Variants in NRG3 observed in about 807,000 individuals in gnomAD.
The protein encoded by NRG3 is pro-neuregulin-3, membrane-bound isoform.
NRG3 carries 31 observed loss-of-function variants against 66.9 expected under a neutral mutation model. That is an observed-to-expected ratio of 0.46 (90% CI 0.35 to 0.63). The LOEUF (loss-of-function observed/expected upper bound fraction) is 0.63. Ranked by LOEUF, NRG3 falls within the 20% of genes least tolerant of loss-of-function variation. The pLI is 0.00. For synonymous variants in NRG3, 393 were observed against 359.4 expected (o/e 1.09, Z -1.06); for missense variants, 910 against 878.9 (o/e 1.04, Z -0.45).
At chr10:82,854,574 C>G (rs2063716456) in intron 3 of NRG3, among the ~76,000 whole-genome samples, 1 of 152,050 alleles carries the variant, frequency 6.6e-6, no homozygotes, top group Non-Finnish European at 1.5e-5. Flanking sequence ...TTGTGTAAAA[C>G]AAAATATAGT....
intron 3 of NRG3, among the ~76,000 whole-genome samples, chr10:82,806,550 C>T (rs2061292113): frequency 6.6e-6 from 1 of 152,184 alleles, no homozygotes; most frequent in Non-Finnish European, 1.5e-5. Context: ...AAAGACCCAA[C>T]CTGATGATTA....
chr10:82,517,661 G>GTGTGCA (rs1845804012), intron 2 of NRG3, among the ~76,000 whole-genome samples: 1 of 127,710 alleles, frequency 7.8e-6, no homozygotes, highest in African/African-American at 3.7e-5. Context: ...GTGTGTGTGT[G>GTGTGCA]TGTGTGTGCA....
At chr10:82,683,754 T>G (rs1380913404) in intron 2 of NRG3, among the ~76,000 whole-genome samples, 2 of 152,242 alleles carry the variant, frequency 1.3e-5, no homozygotes, top group Admixed American at 1.3e-4. Context: ...TAGTAATACT[T>G]GTATTTTTGT....
At chr10:82,636,474 A>G (rs181564394) in intron 2 of NRG3, among the ~76,000 whole-genome samples, 1 of 152,308 alleles carries the variant, frequency 6.6e-6, no homozygotes, top group Admixed American at 6.5e-5. Context: ...GAGTTCTCAA[A>G]AAGAATGATG....
At chr10:82,445,091 G>A (rs552316722) in intron 2 of NRG3, among the ~76,000 whole-genome samples, 1 of 151,466 alleles carries the variant, frequency 6.6e-6, no homozygotes, top group Non-Finnish European at 1.5e-5. Flanking sequence ...AAGGTCTAAG[G>A]TTCTTCTTTT....
chr10:82,927,644 T>G (rs1847141240), intron 4 of NRG3, among the ~76,000 whole-genome samples: 1 of 152,204 alleles, frequency 6.6e-6, no homozygotes. Context: ...GTTTCCAGCT[T>G]CATCCATGTC....
intron 1 of NRG3, among the ~76,000 whole-genome samples, chr10:82,125,922 A>G (rs1449559029): frequency 6.6e-6 from 1 of 152,128 alleles, no homozygotes; most frequent in Non-Finnish European, 1.5e-5. Context: ...TTAGCAATTA[A>G]TCTATTAGAT....
At chr10:82,782,728 C>A (rs2060169714) in intron 3 of NRG3, among the ~76,000 whole-genome samples, 1 of 151,978 alleles carries the variant, frequency 6.6e-6, no homozygotes, top group South Asian at 2.1e-4. Context: ...AGCTTACCAA[C>A]CAAAAAGAGT....
intron 1 of NRG3, among the ~76,000 whole-genome samples, chr10:81,986,208 C>T (rs112895826): frequency 2.6e-5 from 4 of 152,142 alleles, no homozygotes; most frequent in African/African-American, 9.6e-5. Context: ...TTTCAGGCTG[C>T]AAAATTAGGC....
In NRG3 at chr10:81,981,688, C is replaced by T. The variant is rs555382905; in HGVS notation, c.823+105525C>T. ...GGGCCCATGGTGAGAGTGGCAGTCCCGCCAATCTCTGAATAGCTTCTGGGG... is the reference window on the plus strand; with the variant it reads ...GGGCCCATGGTGAGAGTGGCAGTCCTGCCAATCTCTGAATAGCTTCTGGGG... On this transcript the variant is annotated intron_variant, in intron 1 of 8. Transcript: ENST00000372141. 1.6e-4 allele frequency among the ~76,000 whole-genome samples: 24 copies of T among 152,282 alleles called. No homozygotes were observed. The South Asian group carries it at 4.4e-3, about 28-fold the overall frequency.
intron 1 of NRG3, among the ~76,000 whole-genome samples, chr10:82,073,349 G>C (rs1016052330): frequency 1.3e-5 from 2 of 152,152 alleles, no homozygotes; most frequent in East Asian, 1.9e-4. Flanking sequence ...CCTGTCATTT[G>C]ATGACACTCA....
At position 82,137,358 on chromosome 10, in the gene NRG3, T is replaced by G. The variant is rs184734791; in HGVS notation, c.824-221381T>G. 1.2e-3 allele frequency among the ~76,000 whole-genome samples: 182 copies of G among 152,302 alleles called. 1 individual carries two copies. The highest frequency in any genetic ancestry group is 2.0e-3 in the Non-Finnish European group (137 of 68,032). On this transcript the variant is annotated intron_variant, in intron 1 of 8. Coordinates refer to ENST00000372141, the MANE Select transcript of NRG3 (RefSeq NM_001010848.4). ...CATGCTAAGCCGAAGTGCCAGAATA[T>G]TAACTAAATGCAGGTGATGTTATCT...
intron 1 of NRG3, among the ~76,000 whole-genome samples, chr10:82,157,263 T>C (rs538490667): frequency 6.6e-6 from 1 of 151,914 alleles, no homozygotes; most frequent in East Asian, 1.9e-4. Flanking sequence ...CTAATGGCTG[T>C]CTTGTGCTTA....
chr10:81,997,324 C>T (rs1301613326), intron 1 of NRG3, among the ~76,000 whole-genome samples: 1 of 152,236 alleles, frequency 6.6e-6, no homozygotes, highest in Non-Finnish European at 1.5e-5. Flanking sequence ...TTTCTGCCCT[C>T]CGTGCCTGTG....
intron 2 of NRG3, among the ~76,000 whole-genome samples, chr10:82,643,461 G>T (rs1185965379): frequency 2.0e-5 from 3 of 151,826 alleles, no homozygotes; most frequent in Non-Finnish European, 4.4e-5. Context: ...TTTCTAAATT[G>T]CCCAGGCTCG....
chr10:82,430,699 A>G (rs2089748555), intron 2 of NRG3, among the ~76,000 whole-genome samples: 1 of 151,912 alleles, frequency 6.6e-6, no homozygotes, highest in South Asian at 2.1e-4. Context: ...TCTTTCATGG[A>G]CTAATTTTGT....
chr10:82,938,776 C>G (rs1239998393), intron 4 of NRG3, among the ~76,000 whole-genome samples: 2 of 152,130 alleles, frequency 1.3e-5, no homozygotes, highest in Admixed American at 6.6e-5. Flanking sequence ...TCCCTTAAAC[C>G]GCTGGGTCAG....
chr10:82,494,835 G>C (rs892147816), intron 2 of NRG3, among the ~76,000 whole-genome samples: 1 of 151,982 alleles, frequency 6.6e-6, no homozygotes, highest in South Asian at 2.1e-4. Flanking sequence ...CAGTTTTTTT[G>C]CGTGATTGAA....
chr10:82,769,501 A>G (rs945615868), intron 3 of NRG3, among the ~76,000 whole-genome samples: 8 of 152,138 alleles, frequency 5.3e-5, no homozygotes, highest in Non-Finnish European at 8.8e-5. Flanking sequence ...TATTAAAAAA[A>G]TATTTTGAGA....
Sources: allele counts gnomAD v4.1 joint callset (sites outside exome capture counted in the v4.1 genomes callset), GRCh38; gene constraint gnomAD v4.1.1; transcripts MANE v1.5; gene names NCBI Gene and HGNC (gene_info 2026-07-23, HGNC 2026-07-21).